DMD: variants seen among roughly 807,000 people sequenced by gnomAD.
DMD encodes dystrophin.
DMD carries 63 observed loss-of-function variants against 330.1 expected under a neutral mutation model. That is an observed-to-expected ratio of 0.19 (90% confidence interval 0.16 to 0.24). DMD has a LOEUF of 0.24. Among genes scored for constraint, DMD ranks in the 10% least tolerant of loss-of-function variants. DMD has a pLI of 1.00. For synonymous variants in DMD, 1,223 were observed against 959.8 expected, an observed-to-expected ratio of 1.27 and a Z score of -5.07; for missense variants, 3,344 against 2,684.1, an observed-to-expected ratio of 1.25 and a Z score of -5.43.
chrX:32,664,238 GTTTTTTTT>G (rs59135933), intron 9 of DMD, among the ~76,000 whole-genome samples: 1 of 86,862 alleles, frequency 1.2e-5, no homozygotes, highest in Non-Finnish European at 2.2e-5. Context: ...CCTGGCATAG[GTTTTTTTT>G]TTTTTTTTTT....
At chrX:31,737,553 G>A (rs1158274032) in intron 51 of DMD, among the ~76,000 whole-genome samples, 2 of 111,471 alleles carry the variant, frequency 1.8e-5, no homozygotes, top group African/African-American at 3.3e-5. Context: ...GCCATCCCTC[G>A]ACTCACTCTC....
intron 1 of DMD, among the ~76,000 whole-genome samples, chrX:33,314,757 A>G (rs2148950932): frequency 9.2e-6 from 1 of 108,425 alleles, no homozygotes; most frequent in African/African-American, 3.4e-5. Context: ...TCCAGTCTAC[A>G]TCACATTACT....
At chrX:31,266,958 G>A in intron 62 of DMD, 1 of 1,083,949 alleles carries the variant, frequency 9.2e-7, no homozygotes, top group Non-Finnish European at 1.2e-6. Context: ...GCACTGCGGA[G>A]GAGCCGGCGC....
At chrX:32,722,333 G>A (rs2066413493) in intron 7 of DMD, among the ~76,000 whole-genome samples, 1 of 110,607 alleles carries the variant, frequency 9.0e-6, no homozygotes, top group South Asian at 3.8e-4. Context: ...ATAATATATG[G>A]TAACAACTAT....
chrX:32,903,587 G>T (rs191404229), intron 2 of DMD, among the ~76,000 whole-genome samples: 3 of 111,328 alleles, frequency 2.7e-5, no homozygotes, highest in African/African-American at 9.8e-5. Context: ...ATTTATCTTG[G>T]GTGGAGCCTG....
rs768294832 is a variant in DMD at position 31,128,048 on chromosome X, G to C, written c.11015-1375C>G. Reference sequence around the variant, plus strand: ...TCAGCTGTGGGTGTCACTAGTGGGAGATCCATACCAAATGATGTTCCCATC... The same window carrying C: ...TCAGCTGTGGGTGTCACTAGTGGGACATCCATACCAAATGATGTTCCCATC... On this transcript the variant is annotated intron_variant, in intron 77 of 78. Coordinates refer to ENST00000357033, the MANE Select transcript of DMD (RefSeq NM_004006.3). Among the ~76,000 whole-genome samples the C allele has an allele frequency of 4.5e-5, 5 of 111,792 alleles. No individual in the cohort carries two copies. The East Asian group carries it at 1.4e-3, about 32-fold the overall frequency.
rs372761371 is a variant in DMD, at chrX:32,817,210, A to C, written c.358-570T>G. 2.2e-4 allele frequency among the ~76,000 whole-genome samples: 24 copies of C among 111,597 alleles called. No homozygotes were observed. The East Asian group carries it at 6.2e-3, about 29-fold the overall frequency. Reference sequence around the variant, plus strand: ...AACCCCTGATTTCATACCATCATTTAACGCAAGCTATATTTATTGGCTGAA... The same window carrying C: ...AACCCCTGATTTCATACCATCATTTCACGCAAGCTATATTTATTGGCTGAA... On this transcript the variant is annotated intron_variant, in intron 5 of 78. Transcript: ENST00000357033.
intron 63 of DMD, among the ~76,000 whole-genome samples, chrX:31,244,991 T>C (rs768748484): frequency 8.9e-6 from 1 of 112,094 alleles, no homozygotes; most frequent in Admixed American, 9.4e-5. Flanking sequence ...AGGAAACCAA[T>C]GAACGAACGA....
intron 1 of DMD, among the ~76,000 whole-genome samples, chrX:33,084,132 A>G (rs1378933482): frequency 8.9e-6 from 1 of 112,063 alleles, no homozygotes; most frequent in Non-Finnish European, 1.9e-5. Flanking sequence ...GGAATACCCC[A>G]CCAGTAGACA....
intron 1 of DMD, among the ~76,000 whole-genome samples, chrX:33,267,163 T>A (rs761568571): frequency 2.2e-4 from 25 of 111,133 alleles, no homozygotes; most frequent in Non-Finnish European, 4.1e-4. Context: ...ATACAATACA[T>A]AAAAATATAT....
At chrX:31,372,221 A>T (rs2059627738) in intron 60 of DMD, among the ~76,000 whole-genome samples, 1 of 111,788 alleles carries the variant, frequency 8.9e-6, no homozygotes, top group Admixed American at 9.5e-5. Context: ...AAACTGGCAA[A>T]AGTAGTGTTC....
At chrX:32,415,514 G>C (rs1360334034) in intron 29 of DMD, among the ~76,000 whole-genome samples, 7 of 112,294 alleles carry the variant, frequency 6.2e-5, no homozygotes, top group Non-Finnish European at 1.9e-5. Context: ...GGAATGTCAG[G>C]CTTATGAATT....
chrX:31,753,931 C>T (rs1366367123), intron 51 of DMD, among the ~76,000 whole-genome samples: 1 of 111,210 alleles, frequency 9.0e-6, no homozygotes, highest in Non-Finnish European at 1.9e-5. Context: ...ATCCTCTTCC[C>T]CTTCTCAATA....
chrX:31,586,684 C>T (rs1356718315), intron 55 of DMD, among the ~76,000 whole-genome samples: 1 of 112,169 alleles, frequency 8.9e-6, no homozygotes, highest in African/African-American at 3.2e-5. Flanking sequence ...CCATACAGTT[C>T]CTATGTACCA....
At chrX:32,194,424 T>A (rs2147631940) in intron 44 of DMD, among the ~76,000 whole-genome samples, 1 of 112,321 alleles carries the variant, frequency 8.9e-6, no homozygotes, top group Non-Finnish European at 1.9e-5. Flanking sequence ...TGCTGTGCTT[T>A]AACTTCATGT....
intron 30 of DMD, among the ~76,000 whole-genome samples, chrX:32,407,623 G>A (rs1055351448): frequency 3.6e-5 from 4 of 110,690 alleles, no homozygotes; most frequent in African/African-American, 6.6e-5. Context: ...CCGTTACTGG[G>A]TATATACCCA....
At chrX:31,202,222 G>A (rs1227521511) in intron 67 of DMD, among the ~76,000 whole-genome samples, 1 of 111,671 alleles carries the variant, frequency 9.0e-6, no homozygotes, top group Non-Finnish European at 1.9e-5. Context: ...ACAACCAAAA[G>A]ATTAGGAAAT....
intron 2 of DMD, among the ~76,000 whole-genome samples, chrX:32,917,415 G>T (rs1221677355): frequency 9.0e-6 from 1 of 111,658 alleles, no homozygotes; most frequent in Non-Finnish European, 1.9e-5. Context: ...ATTTTTGTTT[G>T]CTCATTTACT....
At chrX:32,895,099 A>G (rs746718748) in intron 2 of DMD, among the ~76,000 whole-genome samples, 58 of 111,720 alleles carry the variant, frequency 5.2e-4, no homozygotes, top group African/African-American at 1.7e-3. Context: ...TTTTCTTTAC[A>G]CGGGCCACCG....
Sources: gnomAD v4.1 joint callset for allele counts (sites outside exome capture counted in the v4.1 genomes callset) on GRCh38, gnomAD v4.1.1 for gene constraint, MANE v1.5 for transcripts, NCBI Gene and HGNC (gene_info 2026-07-23, HGNC 2026-07-21) for gene names.